ABCF3: variants seen among roughly 807,000 people sequenced by gnomAD.
The protein encoded by ABCF3 is ATP-binding cassette sub-family F member 3.
A neutral mutation model predicts 94.3 loss-of-function variants in ABCF3; 62 were observed. The observed-to-expected ratio is 0.66, with a 90% confidence interval of 0.54 to 0.81. The LOEUF (loss-of-function observed/expected upper bound fraction) is 0.81. ABCF3 is among the 40% of genes least tolerant of loss of function. The pLI is 0.00. For missense variants in ABCF3, 843 were observed against 925.3 expected (o/e 0.91, Z 1.15); for synonymous variants, 355 against 361.1 (o/e 0.98, Z 0.19).
chr3:184,189,142 T>C lies in ABCF3; in HGVS notation c.1032T>C (p.Ala344=). 4 of 1,614,184 alleles carry C rather than the reference T, an allele frequency of 2.5e-6. No individual in the cohort carries two copies. The highest frequency in any genetic ancestry group is 2.5e-6 in the Non-Finnish European group (3 of 1,180,022). Residue 344 remains alanine, a splice_region_variant and synonymous_variant, in exon 10 of 21, where the codon GCT becomes GCC. Transcript: ENST00000429586. The stretch of plus-strand genomic sequence containing the variant: ...TGGCCCTGGCCCGGGCCCTCTTTGC[T>C]AGGTGAGTCTCCTGGGCCAGTGTAT... ...MRLALARALF[A]RPDLLLLDEP... is the part of the protein sequence containing the mutation.
At position 184,187,963 on chromosome 3, in the gene ABCF3, T is replaced by G. The variant is rs751740928; in HGVS notation, c.549T>G (p.Phe183Leu). The stretch of plus-strand genomic sequence containing the variant: ...CCTATGATGTGCGAATTGAGAACTT[T>G]GATGTGTCTTTTGGCGATAGGTGAG... ...NKSYDVRIEN[F>L]DVSFGDRVLL... Residue 183 changes from phenylalanine to leucine, a missense_variant, in exon 6 of 21, where the codon TTT becomes TTG. Physicochemically the swap from Phe to Leu is conservative, Grantham distance 22 (BLOSUM62 0). Coordinates refer to ENST00000429586, the MANE Select transcript of ABCF3 (RefSeq NM_018358.3). 9.3e-6 allele frequency: 15 copies of G among 1,614,020 alleles called. 1 individual carries two copies. Among genetic ancestry groups the G allele is most frequent in the Middle Eastern group, 1.6e-4 (1 of 6,062 alleles).
chr3:184,188,092 G>C (rs770918133), intron 6 of ABCF3, 49 bp from the exon 7 acceptor site: 8 of 1,610,622 alleles, frequency 5.0e-6, no homozygotes, highest in Non-Finnish European at 6.8e-6. Flanking sequence ...TAAACTTGCT[G>C]TGCACCTATT....
At chr3:184,186,924 G>T (rs183017508) in intron 3 of ABCF3, 49 bp downstream of exon 3, 2 of 1,568,846 alleles carry the variant, frequency 1.3e-6, no homozygotes, top group African/African-American at 2.7e-5. Flanking sequence ...GCTTTTCTCC[G>T]CCCCCAACCA....
Position 184,187,857 on chromosome 3 carries a change from A to G in ABCF3, c.447-4A>G. 4.3e-6 allele frequency: 7 copies of G among 1,614,122 alleles called. No homozygotes were observed. Among genetic ancestry groups the G allele is most frequent in the Non-Finnish European group, 5.9e-6 (7 of 1,180,036 alleles). On this transcript the variant is annotated splice_region_variant and splice_polypyrimidine_tract_variant and intron_variant, in intron 5 of 20. Coordinates refer to ENST00000429586, the MANE Select transcript of ABCF3 (RefSeq NM_018358.3). ...CTAAGAGCTGTCCATTTCTCCCTTTAAAGAGTCTTAGAAGAGGCATCAGCC... is the reference window on the plus strand; with the variant it reads ...CTAAGAGCTGTCCATTTCTCCCTTTGAAGAGTCTTAGAAGAGGCATCAGCC...
chr3:184,187,328 A>G (rs1414770798), intron 3 of ABCF3, 69 bp from the exon 4 acceptor site: 14 of 1,577,030 alleles, frequency 8.9e-6, no homozygotes, highest in African/African-American at 1.3e-5. Flanking sequence ...CCTGGTTCCT[A>G]TTAGTCACTC....
intron 16 of ABCF3, 69 bp from the exon 17 acceptor site, chr3:184,192,532 C>T (rs1716092232): frequency 7.1e-6 from 10 of 1,411,998 alleles, no homozygotes; most frequent in Non-Finnish European, 9.7e-6. Context: ...TTAGTGCCCA[C>T]ATATGAATGA....
In ABCF3 at chr3:184,187,923, C is replaced by T; in HGVS notation, c.509C>T (p.Ser170Phe). The T allele has an allele frequency of 1.9e-6, 3 of 1,614,122 alleles. No individual in the cohort carries two copies. Among genetic ancestry groups the T allele is most frequent in the Non-Finnish European group, 2.5e-6 (3 of 1,180,030 alleles). ...AGAAAGGAGAGTCGGTTGGAATCAT[C>T]TGGCAAGAACAAATCCTATGATGTG... ...GSRKESRLES[S>F]GKNKSYDVRI... The change falls in exon 6 of 21, where the codon TCT becomes TTT. Residue 170 changes from serine (S) to phenylalanine (F), a missense_variant. Coordinates refer to ENST00000429586, the MANE Select transcript of ABCF3 (RefSeq NM_018358.3).
rs1715607248 is a variant in ABCF3, at chr3:184,186,238, G to T, written c.31G>T (p.Glu11Ter). The T allele has an allele frequency of 6.2e-7, 1 of 1,614,106 alleles. No individual in the cohort carries two copies. The highest frequency in any genetic ancestry group is 1.7e-5 in the Admixed American group (1 of 60,014). MATCAEILRS[E>*]FPEIDGQVFD... ...GACTTGCGCCGAAATCCTGCGGAGCGAGTTCCCCGAAATTGACGGACAAGT... is the reference window on the plus strand; with the variant it reads ...GACTTGCGCCGAAATCCTGCGGAGCTAGTTCCCCGAAATTGACGGACAAGT... The change falls in exon 1 of 21, where the codon GAG becomes TAG. Residue 11 changes from glutamate (E) to a stop codon, truncating the protein, a stop_gained. Coordinates refer to ENST00000429586, the MANE Select transcript of ABCF3 (RefSeq NM_018358.3). LOFTEE classifies it high-confidence loss of function.
chr3:184,192,042 G>A (rs1716060893), intron 16 of ABCF3, among the ~76,000 whole-genome samples: 3 of 152,156 alleles, frequency 2.0e-5, no homozygotes, highest in South Asian at 4.2e-4. Context: ...CACCGTGCCC[G>A]GCTAGAGTCC....
At chr3:184,192,737 C>T in intron 17 of ABCF3, 48 bp downstream of exon 17, 2 of 1,609,340 alleles carry the variant, frequency 1.2e-6, no homozygotes, top group Non-Finnish European at 1.7e-6. Flanking sequence ...TTGCAGGCAC[C>T]CATGCTGCCT....
chr3:184,188,405 C>A lies in ABCF3; in HGVS notation c.834C>A (p.Gly278=). The A allele has an allele frequency of 6.2e-7, 1 of 1,603,640 alleles. No individual in the cohort carries two copies. The highest frequency in any genetic ancestry group is 1.1e-5 in the South Asian group (1 of 90,910). ...AGCTCACTGCCCAGATTGCTGCTGG[C>A]AGGTGAGGACTCCCGGCTAGGGAGT... The part of the protein sequence containing the change: ...ERELTAQIAA[G]RAEGSEAAEL... The change falls in exon 7 of 21, where the codon GGC becomes GGA. Residue 278 remains glycine, a splice_region_variant and synonymous_variant. Coordinates refer to ENST00000429586, the MANE Select transcript of ABCF3 (RefSeq NM_018358.3).
intron 7 of ABCF3, 88 bp downstream of exon 7, chr3:184,188,495 C>T: frequency 6.6e-7 from 1 of 1,505,094 alleles, no homozygotes; most frequent in Non-Finnish European, 8.9e-7. Flanking sequence ...TTTGCATGTA[C>T]ATCCTAGTAA....
rs1480458944 is a variant in ABCF3, at chr3:184,186,397, CGG to C, written c.74-106_74-105del. On this transcript the variant is annotated intron_variant, in intron 1 of 20. Coordinates refer to ENST00000429586, the MANE Select transcript of ABCF3 (RefSeq NM_018358.3). ...CTCTCCTCTGCATGACCTCTTGTCCCGGGGGCTGGTTGGGTCTGGAGCCTGGA... is the reference window on the plus strand; with the variant it reads ...CTCTCCTCTGCATGACCTCTTGTCCCGGGCTGGTTGGGTCTGGAGCCTGGA... 3 of 1,582,052 alleles carry C rather than the reference CGG, an allele frequency of 1.9e-6. No individual in the cohort carries two copies. The African/African-American group carries it at 4.0e-5, about 21-fold the overall frequency.
chr3:184,193,502 G>T lies in ABCF3; in HGVS notation c.1972-38G>T, dbSNP rs781307810. The T allele has an allele frequency of 1.9e-6, 3 of 1,613,962 alleles. No individual in the cohort carries two copies. The highest frequency in any genetic ancestry group is 1.7e-5 in the Admixed American group (1 of 59,994). ...CTCCTCCCAGGCCTCGGTGCCTCTT[G>T]TGTCCCCCTGAGCACCTCCTGCCCT... On this transcript the variant is annotated intron_variant, in intron 20 of 20. Coordinates refer to ENST00000429586, the MANE Select transcript of ABCF3 (RefSeq NM_018358.3). This position sits in a 1 kb window ranked among gnomAD's most constrained non-coding sequence, Gnocchi z 5.2.
Position 184,193,050 on chromosome 3 carries a change from C to G in ABCF3, c.1751-52C>G, listed in dbSNP as rs1716128200. The G allele has an allele frequency of 1.3e-6, 2 of 1,540,260 alleles. No homozygotes were observed. Among genetic ancestry groups the G allele is most frequent in the Non-Finnish European group, 1.7e-6 (2 of 1,143,066 alleles). On this transcript the variant is annotated intron_variant, in intron 18 of 20. Coordinates refer to ENST00000429586, the MANE Select transcript of ABCF3 (RefSeq NM_018358.3). This position sits in a 1 kb window ranked among gnomAD's most constrained non-coding sequence, Gnocchi z 5.2. The stretch of plus-strand genomic sequence containing the variant: ...GACTTGGAGGTGTGGCTGGAGGGCA[C>G]AGGGAGGGTGTTGGGCCAAGAAGCC...
At chr3:184,191,368 G>A (rs1162030402) in intron 16 of ABCF3, 113 bp downstream of exon 16, 5 of 1,514,966 alleles carry the variant, frequency 3.3e-6, no homozygotes, top group Non-Finnish European at 4.5e-6. Context: ...GAACAGGAGT[G>A]AGGGCCCGGG....
rs781230642 is a variant in ABCF3, at chr3:184,193,420, G to A, written c.1939G>A (p.Glu647Lys). The change falls in exon 20 of 21, where the codon GAG becomes AAG. Residue 647 changes from glutamate to lysine, a missense_variant. By Grantham distance (56) the Glu-to-Lys change is moderately conservative. Coordinates refer to ENST00000429586, the MANE Select transcript of ABCF3 (RefSeq NM_018358.3). This position sits in a 1 kb window ranked among gnomAD's most constrained non-coding sequence, Gnocchi z 5.2. The part of the protein sequence containing the change: ...PTNHLDMETI[E>K]ALGRALNNFR... ...AAACCACCTGGACATGGAGACCATTGAGGCTCTGGGCCGTGCCCTCAACAA... is the reference window on the plus strand; with the variant it reads ...AAACCACCTGGACATGGAGACCATTAAGGCTCTGGGCCGTGCCCTCAACAA... The A allele has an allele frequency of 1.2e-6, 2 of 1,614,118 alleles. No homozygotes were observed. The highest frequency in any genetic ancestry group is 1.7e-6 in the Non-Finnish European group (2 of 1,180,030).
chr3:184,190,934 T>A, intron 14 of ABCF3, 65 bp from the exon 15 acceptor site: 4 of 1,578,426 alleles, frequency 2.5e-6, no homozygotes, highest in Non-Finnish European at 3.5e-6. Context: ...TCTGAACATA[T>A]ATTACTCGTG....
Position 184,193,166 on chromosome 3 carries a change from G to A in ABCF3, c.1815G>A (p.Met605Ile), listed in dbSNP as rs1389290363. Residue 605 changes from methionine (M) to isoleucine (I), a missense_variant, in exon 19 of 21, where the codon ATG becomes ATA. Transcript: ENST00000429586. The surrounding 1 kb of genome is among the most constrained non-coding windows in gnomAD (Gnocchi z 5.2). Reference sequence around the variant, plus strand: ...ATGGCATCTCCGGAGAACTGGCCATGCGTCCTCTTGCCAGCCTGTCTGGGG... The same window carrying A: ...ATGGCATCTCCGGAGAACTGGCCATACGTCCTCTTGCCAGCCTGTCTGGGG... ...GRYGISGELA[M>I]RPLASLSGGQ... is the part of the protein sequence containing the mutation. 2 of 1,568,578 alleles carry A rather than the reference G, an allele frequency of 1.3e-6. No individual in the cohort carries two copies. Among genetic ancestry groups the A allele is most frequent in the Admixed American group, 3.7e-5 (2 of 53,776 alleles).
Sources: allele counts gnomAD v4.1 joint callset (sites outside exome capture counted in the v4.1 genomes callset), GRCh38; gene constraint gnomAD v4.1.1; non-coding constraint Gnocchi (gnomAD v3.1); transcripts MANE v1.5; gene names NCBI Gene and HGNC (gene_info 2026-07-23, HGNC 2026-07-21).